Variants in CSMD3 observed in about 807,000 individuals in gnomAD.
CSMD3 encodes the protein CUB and Sushi multiple domains 3, also known as CUB and sushi domain-containing protein 3.
Under a neutral mutation model 435.2 loss-of-function variants are expected in CSMD3, and 177 were observed. That is an observed-to-expected ratio of 0.41 (90% CI 0.36 to 0.46). The LOEUF (loss-of-function observed/expected upper bound fraction) is 0.46, where lower values mean the gene tolerates loss of function less well. Among genes scored for constraint, CSMD3 ranks in the 20% least tolerant of loss-of-function variants. The pLI is 0.34. For synonymous variants in CSMD3, 1,656 were observed against 1,520.5 expected (o/e 1.09, Z -2.07); for missense variants, 4,265 against 4,504.6 (o/e 0.95, Z 1.52).
chr8:112,773,766 T>G (rs2078179138), intron 13 of CSMD3, among the ~76,000 whole-genome samples: 1 of 152,024 alleles, frequency 6.6e-6, no homozygotes, highest in Non-Finnish European at 1.5e-5. Context: ...GAAATTTATA[T>G]TTTAATTTTA....
At chr8:113,280,241 G>T (rs2093603354) in intron 2 of CSMD3, among the ~76,000 whole-genome samples, 1 of 151,730 alleles carries the variant, frequency 6.6e-6, no homozygotes, top group Non-Finnish European at 1.5e-5. Flanking sequence ...AAAAGGATTA[G>T]TACCAATTCT....
intron 7 of CSMD3, among the ~76,000 whole-genome samples, chr8:112,967,107 T>G (rs750894612): frequency 3.3e-5 from 5 of 151,860 alleles, no homozygotes; most frequent in Admixed American, 2.6e-4. Context: ...GATCTGCATT[T>G]GAACAAGACT....
At chr8:112,876,165 T>C (rs2081275991) in intron 10 of CSMD3, among the ~76,000 whole-genome samples, 1 of 152,062 alleles carries the variant, frequency 6.6e-6, no homozygotes, top group Non-Finnish European at 1.5e-5. Context: ...AATAACAAGT[T>C]CTGAAACTGA....
intron 22 of CSMD3, among the ~76,000 whole-genome samples, chr8:112,636,276 A>C (rs1368910190): frequency 6.6e-6 from 1 of 152,038 alleles, no homozygotes; most frequent in Non-Finnish European, 1.5e-5. Context: ...TAATTTATCT[A>C]TCAAATATTG....
intron 13 of CSMD3, among the ~76,000 whole-genome samples, chr8:112,756,792 G>A (rs2077711393): frequency 6.7e-6 from 1 of 148,256 alleles, no homozygotes; most frequent in South Asian, 2.1e-4. Flanking sequence ...TTTTGAGACG[G>A]AAGTCTCACT....
intron 30 of CSMD3, among the ~76,000 whole-genome samples, chr8:112,496,422 G>T (rs1459643985): frequency 6.6e-6 from 1 of 151,980 alleles, no homozygotes; most frequent in Non-Finnish European, 1.5e-5. Context: ...ACTAAATATA[G>T]AACTACCATA....
At chr8:112,609,548 C>A (rs1410124067) in intron 22 of CSMD3, among the ~76,000 whole-genome samples, 2 of 151,934 alleles carry the variant, frequency 1.3e-5, no homozygotes, top group African/African-American at 2.4e-5. Flanking sequence ...AAAGGGGAAC[C>A]CTTATACATT....
At chr8:112,938,770 G>A (rs13280853) in intron 9 of CSMD3, among the ~76,000 whole-genome samples, 64,936 of 151,830 alleles carry the variant, frequency 0.43, 14,026 homozygotes, top group East Asian at 0.51. Context: ...AGAAAGTTAG[G>A]TTTCCACTAC....
chr8:113,137,005 A>G (rs1306841968), intron 4 of CSMD3, among the ~76,000 whole-genome samples: 1 of 151,692 alleles, frequency 6.6e-6, no homozygotes, highest in East Asian at 1.9e-4. Flanking sequence ...AAAGTTTAGT[A>G]GGTTTCCTCT....
At chr8:112,954,267 G>T (rs924469092) in intron 8 of CSMD3, among the ~76,000 whole-genome samples, 1 of 151,334 alleles carries the variant, frequency 6.6e-6, no homozygotes, top group East Asian at 1.9e-4. Flanking sequence ...AATGAAAATT[G>T]CTATCTTAAA....
At chr8:113,364,248 T>A (rs1468377503) in intron 1 of CSMD3, among the ~76,000 whole-genome samples, 3 of 146,318 alleles carry the variant, frequency 2.1e-5, no homozygotes, top group East Asian at 2.0e-4. Flanking sequence ...GACTAAATTT[T>A]TTTTTTTTTT....
At chr8:112,887,180 T>C (rs943939656) in intron 10 of CSMD3, among the ~76,000 whole-genome samples, 1 of 149,752 alleles carries the variant, frequency 6.7e-6, no homozygotes. Flanking sequence ...GTATAAGTGT[T>C]TGTTGTTACA....
chr8:112,527,309 A>T (rs964936840), intron 27 of CSMD3, among the ~76,000 whole-genome samples: 3 of 151,888 alleles, frequency 2.0e-5, no homozygotes, highest in Admixed American at 1.3e-4. Flanking sequence ...ACTTTAACAC[A>T]AGGAAAATTA....
intron 17 of CSMD3, among the ~76,000 whole-genome samples, chr8:112,662,498 C>T (rs1022063125): frequency 1.3e-5 from 2 of 151,986 alleles, no homozygotes; most frequent in Admixed American, 1.3e-4. Context: ...GGATCCCTTC[C>T]TTACACCTTA....
chr8:112,531,482 C>A (rs1825534193), intron 27 of CSMD3, among the ~76,000 whole-genome samples: 1 of 152,098 alleles, frequency 6.6e-6, no homozygotes, highest in Admixed American at 6.6e-5. Context: ...GTAACCCCTT[C>A]CCAAACTCCA....
At chr8:112,375,562 A>G (rs1828864165) in intron 38 of CSMD3, among the ~76,000 whole-genome samples, 3 of 152,146 alleles carry the variant, frequency 2.0e-5, no homozygotes, top group African/African-American at 7.2e-5. Context: ...GTTAATTAGG[A>G]TATAGCTCAA....
intron 9 of CSMD3, among the ~76,000 whole-genome samples, chr8:112,947,566 T>C (rs1564136227): frequency 6.6e-6 from 1 of 151,686 alleles, no homozygotes; most frequent in Non-Finnish European, 1.5e-5. Context: ...TACTATATGA[T>C]GAGAAATTAA....
intron 11 of CSMD3, among the ~76,000 whole-genome samples, chr8:112,845,926 G>T (rs191993403): frequency 1.5e-4 from 23 of 151,982 alleles, no homozygotes; most frequent in Admixed American, 5.9e-4. Context: ...TAATATTTAA[G>T]GATAAGGTCA....
At chr8:113,238,092 AAG>A in intron 3 of CSMD3, among the ~76,000 whole-genome samples, 1 of 151,664 alleles carries the variant, frequency 6.6e-6, no homozygotes, top group South Asian at 2.1e-4. Flanking sequence ...AAAAAAAAAA[AAG>A]GTGGGGAGTA....
Sources: gnomAD v4.1 joint callset for allele counts (sites outside exome capture counted in the v4.1 genomes callset) on GRCh38, gnomAD v4.1.1 for gene constraint, MANE v1.5 for transcripts, NCBI Gene and HGNC (gene_info 2026-07-23, HGNC 2026-07-21) for gene names.